POLI: variants seen among roughly 807,000 people sequenced by gnomAD.
The protein encoded by POLI is DNA polymerase iota.
Under a neutral mutation model 51.6 loss-of-function variants are expected in POLI, and 58 were observed. That is an observed-to-expected ratio of 1.12 (90% CI 0.91 to 1.40). POLI has a LOEUF of 1.40. Ranked by LOEUF, POLI falls within the 40% of genes most tolerant of loss-of-function variation. The pLI, the probability that POLI is intolerant of heterozygous loss-of-function variation, is 0.00. For missense variants in POLI, 921 were observed against 871.3 expected (o/e 1.06, Z -0.72); for synonymous variants, 322 against 299.7 (o/e 1.07, Z -0.77).
At chr18:54,307,966 TTATG>T (rs897617153) in intron 3 of POLI, among the ~76,000 whole-genome samples, 14 of 152,112 alleles carry the variant, frequency 9.2e-5, no homozygotes, top group Admixed American at 7.2e-4. Context: ...TATTTTGAGC[TTATG>T]TGTGTCTCTG....
At chr18:54,301,785 A>G (rs1225087634), downstream of POLI, among the ~76,000 whole-genome samples, 1 of 152,152 alleles carries the variant, frequency 6.6e-6, no homozygotes, top group Non-Finnish European at 1.5e-5. Context: ...AAGCTAAGGC[A>G]ATTGTAGGGC....
chr18:54,305,538 A>G lies in POLI; in HGVS notation c.334-14735A>G, dbSNP rs1422233881. Among the ~76,000 whole-genome samples the G allele has an allele frequency of 4.7e-5, 5 of 106,332 alleles. 1 individual carries two copies. Among genetic ancestry groups the G allele is most frequent in the African/African-American group, 1.6e-4 (5 of 31,096 alleles). The allele number at this position is 106,332 out of a possible 152,430, so 69.8% of individuals were successfully genotyped here. ...TTGTAGCAATTGTGAATGGGAGTTC[A>G]CTCATGATTTGACTCTCTGTTTGTC... is the stretch of plus-strand genomic sequence containing the variant. On this transcript the variant is annotated intron_variant, in intron 3 of 4. Coordinates refer to the POLI transcript ENST00000579823.
intron 7 of POLI, among the ~76,000 whole-genome samples, chr18:54,286,532 ATCT>A (rs1266456524): frequency 6.6e-6 from 1 of 152,016 alleles, no homozygotes; most frequent in Non-Finnish European, 1.5e-5. Flanking sequence ...GTAAAAAAAA[ATCT>A]TTTTTTTGGT....
chr18:54,296,929 T>C lies in POLI; in HGVS notation c.*2462T>C, dbSNP rs915595522. On this transcript the variant is annotated 3_prime_UTR_variant, in exon 10 of 10. Transcript: ENST00000579534. The stretch of plus-strand genomic sequence containing the variant: ...TATAAGTCTACATTTAAGGTTATTA[T>C]TGCATATCATTGTGACTTATTTCCT... 125 of 971,464 alleles carry C rather than the reference T, an allele frequency of 1.3e-4. No individual in the cohort carries two copies. Among genetic ancestry groups the C allele is most frequent in the Non-Finnish European group, 1.4e-4 (115 of 817,278 alleles). The allele number at this position is 971,464 out of a possible 1,614,324, so 60.2% of individuals were successfully genotyped here.
Position 54,294,758 on chromosome 18 carries a change from G to C in POLI, c.*291G>C, listed in dbSNP as rs2088221050. On this transcript the variant is annotated 3_prime_UTR_variant, in exon 10 of 10. Transcript: ENST00000579534. ...ATTTTTCATGAATTGGTGGGGAGAT[G>C]TATATGTTTATATATAAAAAATAGC... 1 of 992,826 alleles carries C rather than the reference G, an allele frequency of 1.0e-6. No individual in the cohort carries two copies. Among genetic ancestry groups the C allele is most frequent in the South Asian group, 4.6e-5 (1 of 21,656 alleles). 61.5% of individuals were successfully genotyped at this position (992,826 alleles called of 1,614,324 possible). A position where few individuals can be genotyped will look rare whatever the true frequency, so the allele number is the denominator to read the frequency against.
At chr18:54,299,025 G>A (rs1028140665), downstream of POLI, among the ~76,000 whole-genome samples, 2 of 152,132 alleles carry the variant, frequency 1.3e-5, no homozygotes, top group Non-Finnish European at 2.9e-5. Flanking sequence ...TATCATGAGT[G>A]AAATACATTT....
At chr18:54,292,491 A>G (rs1211241465) in intron 9 of POLI, among the ~76,000 whole-genome samples, 1 of 152,126 alleles carries the variant, frequency 6.6e-6, no homozygotes, top group Non-Finnish European at 1.5e-5. Flanking sequence ...ATATTGATAG[A>G]TTTGACTACT....
At position 54,298,035 on chromosome 18, in the gene POLI, AT is replaced by A. The variant is rs1236768517; in HGVS notation, c.*3569del. 1 of 967,656 alleles carries A rather than the reference AT, an allele frequency of 1.0e-6. No individual in the cohort carries two copies. The highest frequency in any genetic ancestry group is 1.2e-6 in the Non-Finnish European group (1 of 813,834). The allele number at this position is 967,656 out of a possible 1,614,324, so 59.9% of individuals were successfully genotyped here. On this transcript the variant is annotated 3_prime_UTR_variant, in exon 10 of 10. Transcript: ENST00000579534. ...CGCAGTTTTTATTATATGTCTAGCT[AT>A]AGATTTATCATGGATTTAGGTTCAT...
Position 54,294,292 on chromosome 18 carries a change from C to T in POLI, c.2048C>T (p.Thr683Ile), listed in dbSNP as rs1035525205. ...GATAGCCATAAGCAAACAGTAGCAA[C>T]AGACTCTCATGAAGGACTTACAGAA... is the stretch of plus-strand genomic sequence containing the variant. The part of the protein sequence containing the change: ...TTDSHKQTVA[T>I]DSHEGLTENR... The change falls in exon 10 of 10, where the codon ACA becomes ATA. Residue 683 changes from threonine (T) to isoleucine (I), a missense_variant. By Grantham distance (89) the Thr-to-Ile change is moderately conservative. Transcript: ENST00000579534. 1.2e-6 allele frequency: 2 copies of T among 1,613,482 alleles called. No individual in the cohort carries two copies. The highest frequency in any genetic ancestry group is 1.7e-6 in the Non-Finnish European group (2 of 1,179,634).
chr18:54,314,912 A>G (rs2088713168), intron 3 of POLI, among the ~76,000 whole-genome samples: 2 of 151,838 alleles, frequency 1.3e-5, no homozygotes, highest in Admixed American at 6.6e-5. Flanking sequence ...CAAAGAACCA[A>G]CTTTTGATTT....
downstream of POLI, among the ~76,000 whole-genome samples, chr18:54,301,221 G>A (rs1317671923): frequency 6.6e-6 from 1 of 152,156 alleles, no homozygotes. Context: ...GGAGGTTGCA[G>A]TGAGCTGAGA....
intron 3 of POLI, among the ~76,000 whole-genome samples, chr18:54,307,558 C>G (rs2088607897): frequency 6.6e-6 from 1 of 152,158 alleles, no homozygotes; most frequent in South Asian, 2.1e-4. Context: ...AATGTATATT[C>G]TGTTGATTTG....
intron 7 of POLI, among the ~76,000 whole-genome samples, chr18:54,285,975 A>T (rs895096464): frequency 1.3e-5 from 2 of 152,136 alleles, no homozygotes; most frequent in Non-Finnish European, 2.9e-5. Context: ...GGCTCAAGCA[A>T]TCCTCCCACC....
intron 6 of POLI, chr18:54,283,707 CTG>C (rs1455915771): frequency 1.4e-5 from 4 of 295,644 alleles, no homozygotes; most frequent in South Asian, 9.8e-5. Context: ...TTTATATTAA[CTG>C]TTAATACAGT....
At chr18:54,270,143 T>G (rs1015046035) in intron 1 of POLI, 2 of 516,258 alleles carry the variant, frequency 3.9e-6, no homozygotes, top group South Asian at 1.6e-4. Context: ...GGTCTTTACC[T>G]TGTACCGCCC....
At chr18:54,284,278 A>G (rs1401323973) in intron 7 of POLI, among the ~76,000 whole-genome samples, 1 of 152,190 alleles carries the variant, frequency 6.6e-6, no homozygotes, top group Non-Finnish European at 1.5e-5. Context: ...AGTTACCTAA[A>G]GGGGTTTTAT....
chr18:54,300,294 C>A (rs561425552), downstream of POLI, among the ~76,000 whole-genome samples: 14 of 151,774 alleles, frequency 9.2e-5, no homozygotes, highest in African/African-American at 3.1e-4. Flanking sequence ...TGTAACAGTA[C>A]AAAGGCCAGG....
Position 54,295,302 on chromosome 18 carries a change from T to C in POLI, c.*835T>C, listed in dbSNP as rs376887742. 1.6e-5 allele frequency: 16 copies of C among 984,722 alleles called. No individual in the cohort carries two copies. The highest frequency in any genetic ancestry group is 1.9e-5 in the Non-Finnish European group (16 of 829,368). 61.0% of individuals were successfully genotyped at this position (984,722 alleles called of 1,614,324 possible). A position where few individuals can be genotyped will look rare whatever the true frequency, so the allele number is the denominator to read the frequency against. ...GTATCTTCCCTACATTTGGAGATGATATTAGGTTGTCATAACAACCACAAA... is the reference window on the plus strand; with the variant it reads ...GTATCTTCCCTACATTTGGAGATGACATTAGGTTGTCATAACAACCACAAA... On this transcript the variant is annotated 3_prime_UTR_variant, in exon 10 of 10. Coordinates refer to ENST00000579534, the MANE Select transcript of POLI (RefSeq NM_007195.3).
intron 3 of POLI, among the ~76,000 whole-genome samples, chr18:54,307,963 A>C (rs1180584696): frequency 6.8e-6 from 1 of 146,624 alleles, no homozygotes; most frequent in Non-Finnish European, 1.5e-5. Flanking sequence ...CTTTATTTTG[A>C]GCTTATGTGT....
Sources: gnomAD v4.1 joint callset for allele counts (sites outside exome capture counted in the v4.1 genomes callset) on GRCh38, gnomAD v4.1.1 for gene constraint, MANE v1.5 for transcripts, NCBI Gene and HGNC (gene_info 2026-07-23, HGNC 2026-07-21) for gene names.